The following WDR27 variants were observed in gnomAD, a reference collection of about 807,000 sequenced individuals.
WDR27 encodes WD repeat-containing protein 27.
Under a neutral mutation model 114.4 loss-of-function variants are expected in WDR27, and 100 were observed. That is an observed-to-expected ratio of 0.87 (90% CI 0.74 to 1.03). The LOEUF is 1.03. Ranked by LOEUF, WDR27 falls within the 50% of genes least tolerant of loss-of-function variation. WDR27 has a pLI of 0.00. For synonymous variants in WDR27, 449 were observed against 423.1 expected (o/e 1.06, Z -0.75); for missense variants, 1,129 against 1,092.9 (o/e 1.03, Z -0.47).
chr6:169,444,352 G>C, the WDR27 span, among the ~76,000 whole-genome samples: 4 of 152,214 alleles, frequency 2.6e-5, no homozygotes, highest in African/African-American at 9.6e-5. Context: ...TGTGCAGTGT[G>C]TTTGTCCCTC....
chr6:169,605,037 C>G (rs1385474123), intron 22 of WDR27, among the ~76,000 whole-genome samples: 2 of 134,890 alleles, frequency 1.5e-5, no homozygotes, highest in African/African-American at 5.7e-5. Flanking sequence ...AGAACTGGAA[C>G]AAGACAAGGA....
intron 25 of WDR27, among the ~76,000 whole-genome samples, chr6:169,481,846 A>C (rs1281243295): frequency 6.6e-6 from 1 of 152,222 alleles, no homozygotes; most frequent in African/African-American, 2.4e-5. Context: ...AGAAGGAAGA[A>C]ACTCCAGACA....
chr6:169,587,234 TTA>T (rs1024540662), intron 23 of WDR27, among the ~76,000 whole-genome samples: 7 of 102,198 alleles, frequency 6.8e-5, no homozygotes, highest in African/African-American at 2.4e-4. Context: ...TTTTTTTTTT[TTA>T]AAGACAGCAT....
chr6:169,504,129 T>G (rs958571608), intron 25 of WDR27, among the ~76,000 whole-genome samples: 1 of 152,160 alleles, frequency 6.6e-6, no homozygotes, highest in Non-Finnish European at 1.5e-5. Context: ...TGTGGTAAAA[T>G]ATTATCAGTA....
intron 25 of WDR27, among the ~76,000 whole-genome samples, chr6:169,481,492 G>C (rs537866728): frequency 5.3e-5 from 8 of 152,258 alleles, no homozygotes; most frequent in Admixed American, 2.6e-4. Context: ...TTCACTCTTC[G>C]CAATAAATCT....
At chr6:169,637,358 T>C (rs952503835) in intron 18 of WDR27, among the ~76,000 whole-genome samples, 5 of 152,248 alleles carry the variant, frequency 3.3e-5, no homozygotes, top group African/African-American at 1.2e-4. Flanking sequence ...GTATTAATCA[T>C]GTGGCATTCG....
In WDR27 at chr6:169,687,710, C is replaced by T. The variant is rs7759922; in HGVS notation, c.189+1107G>A. On this transcript the variant is annotated intron_variant, in intron 2 of 25. Coordinates refer to ENST00000448612, the MANE Select transcript of WDR27 (RefSeq NM_182552.5). ...TGAGGAATTGATTCCAGGAACCCCA[C>T]ATAAACCAAAATCTGTGTACACCCA... 3.0e-3 allele frequency among the ~76,000 whole-genome samples: 455 copies of T among 152,270 alleles called. 3 individuals are homozygous for T. Among genetic ancestry groups the T allele is most frequent in the African/African-American group, 0.01 (416 of 41,552 alleles).
At chr6:169,571,222 T>G (rs528582779) in intron 25 of WDR27, among the ~76,000 whole-genome samples, 5 of 151,524 alleles carry the variant, frequency 3.3e-5, no homozygotes, top group Non-Finnish European at 4.4e-5. Flanking sequence ...TAAAACAGAT[T>G]TAAATTTCAC....
intron 2 of WDR27, among the ~76,000 whole-genome samples, chr6:169,675,704 G>C (rs1425293360): frequency 3.3e-5 from 5 of 152,204 alleles, no homozygotes; most frequent in Non-Finnish European, 7.3e-5. Context: ...TTTATCTAAA[G>C]ATCTGAGATC....
At chr6:169,644,457 G>A (rs534962316) in intron 16 of WDR27, among the ~76,000 whole-genome samples, 29 of 151,440 alleles carry the variant, frequency 1.9e-4, no homozygotes, top group Non-Finnish European at 3.1e-4. Context: ...TAGTTCACAG[G>A]AGTCACACTG....
At chr6:169,511,124 C>T (rs566795799) in intron 25 of WDR27, among the ~76,000 whole-genome samples, 2 of 152,280 alleles carry the variant, frequency 1.3e-5, no homozygotes, top group East Asian at 3.9e-4. Context: ...TAGTGTGTTT[C>T]AGACTTTGAT....
At chr6:169,478,539 C>T (rs902906445) in intron 25 of WDR27, among the ~76,000 whole-genome samples, 1 of 151,844 alleles carries the variant, frequency 6.6e-6, no homozygotes, top group African/African-American at 2.4e-5. Context: ...ATTTTTAAAA[C>T]TCTAGATGTT....
the WDR27 span, among the ~76,000 whole-genome samples, chr6:169,428,173 G>A: frequency 6.6e-6 from 1 of 152,128 alleles, no homozygotes; most frequent in Non-Finnish European, 1.5e-5. Flanking sequence ...TATTGAGGAT[G>A]GAAACCCCCA....
intron 25 of WDR27, among the ~76,000 whole-genome samples, chr6:169,535,112 T>C (rs1796062802): frequency 6.6e-6 from 1 of 152,240 alleles, no homozygotes; most frequent in Non-Finnish European, 1.5e-5. Context: ...AGCTCTGCTA[T>C]GAACAAGCAC....
At chr6:169,571,799 C>T (rs1331192762) in intron 25 of WDR27, among the ~76,000 whole-genome samples, 1 of 151,860 alleles carries the variant, frequency 6.6e-6, no homozygotes, top group Non-Finnish European at 1.5e-5. Flanking sequence ...GATCACACCA[C>T]TGGACTCCAG....
In WDR27 at chr6:169,582,911, T is replaced by C. The variant is rs1440132737; in HGVS notation, c.2448A>G (p.Ser816=). The part of the protein sequence containing the change: ...DRHAYVYEMG[S]STFSHRLAGH... ...CAGCCAGCCGGTGAGAAAACGTGCT[T>C]GAGCCCATTTCATACACGTAAGCCT... Residue 816 remains serine, a synonymous_variant, in exon 24 of 26, where the codon TCA becomes TCG. Transcript: ENST00000448612. 6.2e-7 allele frequency: 1 copy of C among 1,613,912 alleles called. No homozygotes were observed. Among genetic ancestry groups the C allele is most frequent in the East Asian group, 2.2e-5 (1 of 44,866 alleles).
chr6:169,567,877 C>A (rs191445903), intron 25 of WDR27, among the ~76,000 whole-genome samples: 1 of 152,166 alleles, frequency 6.6e-6, no homozygotes, highest in African/African-American at 2.4e-5. Context: ...GTGAGAGCGG[C>A]GGTCCACTGT....
chr6:169,481,955 C>T (rs1005307563), intron 25 of WDR27, among the ~76,000 whole-genome samples: 2 of 152,206 alleles, frequency 1.3e-5, no homozygotes, highest in Non-Finnish European at 2.9e-5. Context: ...CACATTTTCA[C>T]CCCCTACTGT....
the WDR27 span, among the ~76,000 whole-genome samples, chr6:169,450,869 G>C: frequency 6.6e-6 from 1 of 152,168 alleles, no homozygotes; most frequent in Non-Finnish European, 1.5e-5. Context: ...ATCCACACTG[G>C]ATAGACACCA....
Sources: gnomAD v4.1 joint callset for allele counts (sites outside exome capture counted in the v4.1 genomes callset) on GRCh38, gnomAD v4.1.1 for gene constraint, MANE v1.5 for transcripts, NCBI Gene and HGNC (gene_info 2026-07-23, HGNC 2026-07-21) for gene names.